FRMD4B: variants seen among roughly 807,000 people sequenced by gnomAD.
FRMD4B encodes FERM domain-containing protein 4B.
A neutral mutation model predicts 141.5 loss-of-function variants in FRMD4B; 74 were observed. The ratio of observed to expected loss-of-function variants is 0.52; its 90% CI spans 0.43 to 0.63. The LOEUF (loss-of-function observed/expected upper bound fraction) is 0.63, where lower values mean the gene tolerates loss of function less well. FRMD4B is among the 30% of genes least tolerant of loss of function. The pLI is 0.00. For missense variants in FRMD4B, 1,366 were observed against 1,253.4 expected, an observed-to-expected ratio of 1.09 and a Z score of -1.36; for synonymous variants, 506 against 467.9, an observed-to-expected ratio of 1.08 and a Z score of -1.05.
intron 8 of FRMD4B, among the ~76,000 whole-genome samples, chr3:69,224,379 A>G (rs1398284346): frequency 6.6e-6 from 1 of 152,234 alleles, no homozygotes; most frequent in African/African-American, 2.4e-5. Flanking sequence ...AACATCAGCC[A>G]GCTGCTCTTT....
In FRMD4B at chr3:69,313,517, T is replaced by A; in HGVS notation, c.163A>T (p.Met55Leu). ...ACCTGGCAGTGCCTGCCTTCTGTCATCTGCAGGAACAAGACAGCAAGAGTG... is the reference window on the plus strand; with the variant it reads ...ACCTGGCAGTGCCTGCCTTCTGTCAACTGCAGGAACAAGACAGCAAGAGTG... ...TWCGLQDVYQ[M>L]TEGRHCQVHL... Residue 55 changes from methionine (M) to leucine (L), a missense_variant and splice_region_variant, in exon 2 of 23, where the codon ATG becomes TTG. Met to Leu is a conservative substitution (Grantham distance 15). Transcript: ENST00000398540. The A allele has an allele frequency of 6.4e-7, 1 of 1,563,348 alleles. No individual in the cohort carries two copies. Among genetic ancestry groups the A allele is most frequent in the Non-Finnish European group, 8.7e-7 (1 of 1,151,526 alleles).
At position 69,485,463 on chromosome 3, in the gene FRMD4B, T is replaced by C. The variant is rs576212014; in HGVS notation, c.-128-52702A>G. 2.6e-5 allele frequency among the ~76,000 whole-genome samples: 4 copies of C among 152,278 alleles called. No individual in the cohort carries two copies. The East Asian group carries it at 5.8e-4, about 22-fold the overall frequency. On this transcript the variant is annotated intron_variant, in intron 1 of 5. Transcript: ENST00000459638. ...CCCAGGACTTGGGTGGCTGCAGCCC[T>C]GCTCAGGAGAACAGCGTTCCTGCCT...
chr3:69,326,876 T>C (rs1483724134), intron 1 of FRMD4B, among the ~76,000 whole-genome samples: 1 of 152,220 alleles, frequency 6.6e-6, no homozygotes, highest in East Asian at 1.9e-4. Context: ...TTTCTGCTGT[T>C]CCTCTCCAGA....
Position 69,195,302 on chromosome 3 carries a change from T to C in FRMD4B, c.1297A>G (p.Lys433Glu). The change falls in exon 15 of 23, where the codon AAG becomes GAG. Residue 433 changes from lysine to glutamate, a missense_variant. Transcript: ENST00000398540. ...KREKILELKKKEKLLQEKLLK... is the reference protein window; with the variant it reads ...KREKILELKKEEKLLQEKLLK... ...AGTTTTTCTTGTAATAGTTTCTCCTTCTTCTTTAGTTCAAGGATTTTTTCT... is the reference window on the plus strand; with the variant it reads ...AGTTTTTCTTGTAATAGTTTCTCCTCCTTCTTTAGTTCAAGGATTTTTTCT... 1.9e-6 allele frequency: 3 copies of C among 1,613,272 alleles called. No individual in the cohort carries two copies. Among genetic ancestry groups the C allele is most frequent in the Non-Finnish European group, 2.5e-6 (3 of 1,179,454 alleles).
At chr3:69,407,272 A>G (rs75946919) in intron 2 of FRMD4B, among the ~76,000 whole-genome samples, 2,501 of 152,300 alleles carry the variant, frequency 0.016, 29 homozygotes, top group Non-Finnish European at 0.024. Flanking sequence ...TTAGCATGAG[A>G]AAGAAATAAT....
intron 2 of FRMD4B, among the ~76,000 whole-genome samples, chr3:69,396,166 C>T (rs902472143): frequency 7.9e-5 from 12 of 152,164 alleles, no homozygotes; most frequent in Non-Finnish European, 1.6e-4. Flanking sequence ...GAAGGCACAA[C>T]ACCCAACTCT....
chr3:69,350,975 T>A, intron 1 of FRMD4B, among the ~76,000 whole-genome samples: 1 of 151,712 alleles, frequency 6.6e-6, no homozygotes, highest in East Asian at 1.9e-4. Context: ...GAACTTAAAG[T>A]ATAATAATAA....
rs112713084 is a variant in FRMD4B at position 69,204,509 on chromosome 3, C to T, written c.877-5735G>A. ...ACTCACACGGTGGGGGATCCCTCTGCTATTATTACGTGAAGCCAAACAAAA... is the reference window on the plus strand; with the variant it reads ...ACTCACACGGTGGGGGATCCCTCTGTTATTATTACGTGAAGCCAAACAAAA... On this transcript the variant is annotated intron_variant, in intron 11 of 22. Transcript: ENST00000398540. Among the ~76,000 whole-genome samples the T allele has an allele frequency of 5.5e-4, 83 of 152,248 alleles. 2 individuals are homozygous for T. The highest frequency in any genetic ancestry group is 1.6e-3 in the African/African-American group (67 of 41,544).
At chr3:69,307,819 A>C (rs1049106473) in intron 3 of FRMD4B, among the ~76,000 whole-genome samples, 7 of 152,100 alleles carry the variant, frequency 4.6e-5, no homozygotes, top group African/African-American at 1.7e-4. Flanking sequence ...TGCAAGTCAA[A>C]GCCGCATTCC....
At chr3:69,275,286 C>T (rs1044306799) in intron 5 of FRMD4B, among the ~76,000 whole-genome samples, 8 of 151,966 alleles carry the variant, frequency 5.3e-5, no homozygotes, top group African/African-American at 9.7e-5. Context: ...GGAAAAAAAA[C>T]GTCGTTGTCT....
intron 1 of FRMD4B, among the ~76,000 whole-genome samples, chr3:69,520,482 C>T (rs1406564705): frequency 1.3e-5 from 2 of 150,512 alleles, no homozygotes; most frequent in Non-Finnish European, 3.0e-5. Context: ...TCTTGGGCTG[C>T]ACCCTGCAAC....
At chr3:69,176,183 A>C (rs2092643731) in intron 22 of FRMD4B, among the ~76,000 whole-genome samples, 1 of 152,080 alleles carries the variant, frequency 6.6e-6, no homozygotes, top group Non-Finnish European at 1.5e-5. Context: ...GTAATACTGA[A>C]GACCAGGGTC....
At chr3:69,288,604 T>C (rs1700774201) in intron 4 of FRMD4B, among the ~76,000 whole-genome samples, 1 of 152,192 alleles carries the variant, frequency 6.6e-6, no homozygotes, top group Admixed American at 6.5e-5. Context: ...GTTTTCATAA[T>C]CCTGTACTGA....
intron 21 of FRMD4B, 87 bp from the exon 22 acceptor site, chr3:69,176,743 A>G: frequency 1.2e-6 from 1 of 830,630 alleles, no homozygotes; most frequent in South Asian, 1.6e-5. Context: ...CATTGCAATC[A>G]GCTTTGTCAG....
intron 2 of FRMD4B, among the ~76,000 whole-genome samples, chr3:69,410,244 G>C (rs910478657): frequency 6.6e-6 from 1 of 152,176 alleles, no homozygotes; most frequent in Admixed American, 6.5e-5. Context: ...CCAATTTCAA[G>C]TTCCAAAAGC....
chr3:69,274,675 G>T (rs1575681435), intron 5 of FRMD4B, among the ~76,000 whole-genome samples: 1 of 151,972 alleles, frequency 6.6e-6, no homozygotes, highest in East Asian at 1.9e-4. Flanking sequence ...CATGCCACCA[G>T]GCCTGGCTAA....
intron 1 of FRMD4B, among the ~76,000 whole-genome samples, chr3:69,438,803 T>C (rs1705298929): frequency 6.6e-6 from 1 of 152,130 alleles, no homozygotes; most frequent in Non-Finnish European, 1.5e-5. Context: ...TCACTGTATA[T>C]TCAGCAGCCA....
At chr3:69,424,183 G>A (rs1439344666) in intron 2 of FRMD4B, among the ~76,000 whole-genome samples, 1 of 152,080 alleles carries the variant, frequency 6.6e-6, no homozygotes, top group African/African-American at 2.4e-5. Context: ...GTTGTGACGA[G>A]GTTTATAGCA....
intron 2 of FRMD4B, among the ~76,000 whole-genome samples, chr3:69,421,895 G>A (rs1704987517): frequency 6.6e-6 from 1 of 152,070 alleles, no homozygotes; most frequent in Non-Finnish European, 1.5e-5. Flanking sequence ...TTAATTGATA[G>A]GAAACAACGC....
Sources: allele counts gnomAD v4.1 joint callset (sites outside exome capture counted in the v4.1 genomes callset), GRCh38; gene constraint gnomAD v4.1.1; transcripts MANE v1.5; gene names NCBI Gene and HGNC (gene_info 2026-07-23, HGNC 2026-07-21).